Variants in CBFB observed in about 807,000 individuals in gnomAD.
CBFB encodes CBF-beta.
CBFB carries 9 observed loss-of-function variants against 30.4 expected under a neutral mutation model. The observed-to-expected ratio is 0.30, with a 90% confidence interval of 0.18 to 0.52. The LOEUF is 0.52. Ranked by LOEUF, CBFB falls within the 20% of genes least tolerant of loss-of-function variation. The probability of loss-of-function intolerance (pLI) is 0.97; values close to 1 mark genes in which losing one functional copy is unlikely to be tolerated. For synonymous variants in CBFB, 94 were observed against 84.0 expected (o/e 1.12, Z -0.65); for missense variants, 170 against 244.0 (o/e 0.70, Z 2.02).
At chr16:67,048,500 A>G (rs1036721902) in intron 3 of CBFB, among the ~76,000 whole-genome samples, 1 of 152,208 alleles carries the variant, frequency 6.6e-6, no homozygotes, top group African/African-American at 2.4e-5. Flanking sequence ...GAAGTTAAAA[A>G]TTGAAACGAA....
chr16:67,070,143 T>C (rs968372244), intron 4 of CBFB, among the ~76,000 whole-genome samples: 3 of 152,254 alleles, frequency 2.0e-5, no homozygotes, highest in African/African-American at 4.8e-5. Flanking sequence ...TATAGTTCTT[T>C]ATATATGGAA....
intron 5 of CBFB, among the ~76,000 whole-genome samples, chr16:67,090,999 A>G (rs1293106454): frequency 6.6e-6 from 1 of 152,196 alleles, no homozygotes. Context: ...AACTCTACCA[A>G]TATTCTTTCT....
chr16:67,035,229 G>C (rs567514039), intron 2 of CBFB, among the ~76,000 whole-genome samples: 1 of 151,954 alleles, frequency 6.6e-6, no homozygotes, highest in Admixed American at 6.6e-5. Flanking sequence ...GATTACAGGC[G>C]TCTGCCACCA....
chr16:67,094,441 G>A (rs746431834), intron 5 of CBFB, among the ~76,000 whole-genome samples: 2 of 152,006 alleles, frequency 1.3e-5, no homozygotes, highest in Non-Finnish European at 2.9e-5. Flanking sequence ...GGCTATTTCT[G>A]TGCAGCTGTG....
Position 67,029,500 on chromosome 16 carries a change from C to A in CBFB, c.78+15C>A. The A allele has an allele frequency of 6.3e-7, 1 of 1,579,448 alleles. No homozygotes were observed. Among genetic ancestry groups the A allele is most frequent in the African/African-American group, 1.4e-5 (1 of 72,316 alleles). Reference sequence around the variant, plus strand: ...GCGAGTGTGAGGTGAGGCAGGCGGGCGGGCGGCTAGGAGGCCGCAGCGCGC... The same window carrying A: ...GCGAGTGTGAGGTGAGGCAGGCGGGAGGGCGGCTAGGAGGCCGCAGCGCGC... On this transcript the variant is annotated intron_variant, in intron 1 of 5. Transcript: ENST00000412916.
intron 2 of CBFB, 96 bp from the exon 3 acceptor site, chr16:67,036,543 G>T: frequency 1.4e-6 from 1 of 735,882 alleles, no homozygotes; most frequent in Non-Finnish European, 2.5e-6. Context: ...TGTGCTGCCT[G>T]GCTTAAGACA....
intron 4 of CBFB, among the ~76,000 whole-genome samples, chr16:67,078,667 A>G (rs1432955022): frequency 2.6e-5 from 4 of 152,094 alleles, no homozygotes. Context: ...TCTTGTTTTG[A>G]AATGGAGTTT....
At chr16:67,036,525 G>A (rs1966442432) in intron 2 of CBFB, 114 bp from the exon 3 acceptor site, 2 of 622,776 alleles carry the variant, frequency 3.2e-6, no homozygotes, top group South Asian at 4.4e-5. Flanking sequence ...TTACTTTTAA[G>A]TATTCTCTGT....
chr16:67,036,768 T>C lies in CBFB; in HGVS notation c.282+13T>C. On this transcript the variant is annotated intron_variant, in intron 3 of 5. Coordinates refer to ENST00000412916, the MANE Select transcript of CBFB (RefSeq NM_022845.3). ...AGAAGCAGGCAAGGTAGGAAACATT[T>C]CTTTGCAATTTAAAATACTGTGGGT... 6.9e-7 allele frequency: 1 copy of C among 1,444,738 alleles called. No individual in the cohort carries two copies. The highest frequency in any genetic ancestry group is 1.7e-4 in the Middle Eastern group (1 of 5,794). 89.5% of individuals were successfully genotyped at this position (1,444,738 alleles called of 1,614,324 possible). A position where few individuals can be genotyped will look rare whatever the true frequency, so the allele number is the denominator to read the frequency against.
At chr16:67,035,318 C>T (rs915891257) in intron 2 of CBFB, among the ~76,000 whole-genome samples, 7 of 152,162 alleles carry the variant, frequency 4.6e-5, no homozygotes, top group African/African-American at 1.7e-4. Context: ...CTCCTGACCT[C>T]AGATGGTCTA....
chr16:67,082,442 C>T lies in CBFB; in HGVS notation c.495+134C>T, dbSNP rs1458015221. ...TTTCATTTTTAAAAAGTTGTACTCT[C>T]TGGCTTTGTGTTTATTAAATGTAAT... On this transcript the variant is annotated intron_variant, in intron 5 of 5. Coordinates refer to ENST00000412916, the MANE Select transcript of CBFB (RefSeq NM_022845.3). 6.5e-6 allele frequency: 7 copies of T among 1,083,190 alleles called. No individual in the cohort carries two copies. In the Admixed American group the frequency reaches 1.3e-4, roughly 20 times the overall value. 67.1% of individuals were successfully genotyped at this position (1,083,190 alleles called of 1,614,324 possible). A position where few individuals can be genotyped will look rare whatever the true frequency, so the allele number is the denominator to read the frequency against.
intron 2 of CBFB, among the ~76,000 whole-genome samples, chr16:67,034,088 A>G (rs990432718): frequency 7.9e-5 from 12 of 152,090 alleles, no homozygotes; most frequent in Non-Finnish European, 1.3e-4. Context: ...TTGGCCTCCC[A>G]AAGTGCTGGG....
At chr16:67,068,520 A>T (rs1961123819) in intron 4 of CBFB, among the ~76,000 whole-genome samples, 1 of 152,150 alleles carries the variant, frequency 6.6e-6, no homozygotes, top group Admixed American at 6.5e-5. Flanking sequence ...GTGACATCAG[A>T]GGCTGTGCAC....
At chr16:67,040,875 G>A (rs1323639533) in intron 3 of CBFB, among the ~76,000 whole-genome samples, 1 of 152,164 alleles carries the variant, frequency 6.6e-6, no homozygotes, top group Non-Finnish European at 1.5e-5. Context: ...GCAGGGGTTG[G>A]GGGTGGAGGA....
intron 4 of CBFB, among the ~76,000 whole-genome samples, chr16:67,069,225 C>G (rs1187473671): frequency 6.6e-6 from 1 of 151,684 alleles, no homozygotes; most frequent in Admixed American, 6.6e-5. Flanking sequence ...AAAAAAAACG[C>G]CGAGTGTTGT....
Position 67,100,903 on chromosome 16 carries a change from C to G in CBFB, c.*2125C>G, listed in dbSNP as rs1177129573. 5.1e-6 allele frequency: 1 copy of G among 196,386 alleles called. No individual in the cohort carries two copies. Among genetic ancestry groups the G allele is most frequent in the African/African-American group, 2.3e-5 (1 of 43,228 alleles). The allele number at this position is 196,386 out of a possible 1,614,324, so 12.2% of individuals were successfully genotyped here. A position where few individuals can be genotyped will look rare whatever the true frequency, so the allele number is the denominator to read the frequency against. On this transcript the variant is annotated 3_prime_UTR_variant, in exon 6 of 6. Transcript: ENST00000412916. ...ATGCAATTTGATATTTTTTCATAATCTATATTTAAACAAAATTACATCATT... is the reference window on the plus strand; with the variant it reads ...ATGCAATTTGATATTTTTTCATAATGTATATTTAAACAAAATTACATCATT...
rs186191579 is a variant in CBFB at position 67,085,823 on chromosome 16, G to A, written c.495+3515G>A. 5.0e-3 allele frequency among the ~76,000 whole-genome samples: 753 copies of A among 151,860 alleles called. 6 individuals carry two copies. Among genetic ancestry groups the A allele is most frequent in the African/African-American group, 0.017 (724 of 41,428 alleles). On this transcript the variant is annotated intron_variant, in intron 5 of 5. Coordinates refer to ENST00000412916, the MANE Select transcript of CBFB (RefSeq NM_022845.3). ...CTCCCGAGTAGCTGGGACCACAGGC[G>A]CCCGCCACCATGCCCGGCTAATTTT...
At chr16:67,057,897 T>C (rs1040286326) in intron 3 of CBFB, among the ~76,000 whole-genome samples, 2 of 152,200 alleles carry the variant, frequency 1.3e-5, no homozygotes, top group Admixed American at 6.5e-5. Flanking sequence ...TATATATTTA[T>C]TGGTTGTGTT....
chr16:67,030,268 T>G (rs1202110400), intron 2 of CBFB: 1 of 156,402 alleles, frequency 6.4e-6, no homozygotes, highest in Non-Finnish European at 1.4e-5. Flanking sequence ...TAGAAATCTT[T>G]CCTCCAGTTA....
Sources: allele counts gnomAD v4.1 joint callset (sites outside exome capture counted in the v4.1 genomes callset), GRCh38; gene constraint gnomAD v4.1.1; transcripts MANE v1.5; gene names NCBI Gene and HGNC (gene_info 2026-07-23, HGNC 2026-07-21).